The following HTR2C variants were observed in gnomAD, a reference collection of about 807,000 sequenced individuals.
The protein encoded by HTR2C is 5-hydroxytryptamine receptor 2C, also known as 5-hydroxytryptamine (serotonin) receptor 2C, G protein-coupled.
HTR2C carries 5 observed loss-of-function variants against 21.0 expected under a neutral mutation model. The observed-to-expected ratio is 0.24, with a 90% CI of 0.12 to 0.50. The LOEUF is 0.50. HTR2C is among the 20% of genes least tolerant of loss of function. The pLI, the probability that HTR2C is intolerant of heterozygous loss-of-function variation, is 0.98. For missense variants in HTR2C, 271 were observed against 371.2 expected (o/e 0.73, Z 2.22); for synonymous variants, 150 against 145.3 (o/e 1.03, Z -0.23).
chrX:114,657,905 A>G (rs1282386925), intron 2 of HTR2C, among the ~76,000 whole-genome samples: 1 of 110,856 alleles, frequency 9.0e-6, no homozygotes. Flanking sequence ...AATCTCGGTC[A>G]ATTAATTTAT....
At chrX:114,601,706 G>A (rs1225926616) in intron 1 of HTR2C, among the ~76,000 whole-genome samples, 1 of 108,084 alleles carries the variant, frequency 9.3e-6, no homozygotes, top group African/African-American at 3.4e-5. Flanking sequence ...GCTTGGCTTG[G>A]GCTCAGAGGC....
At chrX:114,700,099 T>C (rs1932416028) in intron 2 of HTR2C, among the ~76,000 whole-genome samples, 1 of 111,991 alleles carries the variant, frequency 8.9e-6, no homozygotes, top group Non-Finnish European at 1.9e-5. Context: ...TTTTCTTCTG[T>C]AATAACATAA....
intron 4 of HTR2C, among the ~76,000 whole-genome samples, chrX:114,781,143 CA>C (rs1489431783): frequency 9.1e-6 from 1 of 110,264 alleles, no homozygotes; most frequent in African/African-American, 3.3e-5. Flanking sequence ...AAGAAAGTGT[CA>C]AAAATGCAAA....
chrX:114,794,861 G>A (rs2070273991), intron 4 of HTR2C, among the ~76,000 whole-genome samples: 1 of 109,890 alleles, frequency 9.1e-6, no homozygotes, highest in South Asian at 4.0e-4. Flanking sequence ...CTTTATAGCA[G>A]CATGATTTAT....
At chrX:114,841,772 C>A (rs185655900) in intron 4 of HTR2C, among the ~76,000 whole-genome samples, 2 of 111,184 alleles carry the variant, frequency 1.8e-5, no homozygotes, top group East Asian at 5.7e-4. Context: ...TTGAAATGTT[C>A]TGCTAATTTC....
At chrX:114,672,566 C>A (rs1931419759) in intron 2 of HTR2C, among the ~76,000 whole-genome samples, 2 of 111,883 alleles carry the variant, frequency 1.8e-5, no homozygotes, top group Admixed American at 9.6e-5. Context: ...ATGGAATATT[C>A]TTTACCTATA....
intron 5 of HTR2C, among the ~76,000 whole-genome samples, chrX:114,876,422 C>CTTTTTTTTTTTTTTTTTTTTTT (rs60498146): frequency 5.5e-4 from 34 of 62,377 alleles, no homozygotes; most frequent in East Asian, 1.8e-3. Flanking sequence ...CTTTTTCTTT[C>CTTTTTTTTTTTTTTTTTTTTTT]TTTTTTTTTT....
At chrX:114,702,077 C>T (rs1373075983) in intron 2 of HTR2C, among the ~76,000 whole-genome samples, 1 of 110,386 alleles carries the variant, frequency 9.1e-6, no homozygotes, top group Non-Finnish European at 1.9e-5. Context: ...ACCAAATCTA[C>T]GTCTGATTGG....
At chrX:114,721,835 C>A (rs368884175) in intron 2 of HTR2C, among the ~76,000 whole-genome samples, 6 of 108,498 alleles carry the variant, frequency 5.5e-5, no homozygotes, top group African/African-American at 1.7e-4. Context: ...TGTAGGTATG[C>A]GGCGTTATTT....
intron 2 of HTR2C, among the ~76,000 whole-genome samples, chrX:114,705,439 G>C (rs1384475744): frequency 6.5e-5 from 7 of 108,322 alleles, no homozygotes; most frequent in African/African-American, 2.0e-4. Context: ...ACAAACCTGA[G>C]AAAAACAAGC....
chrX:114,870,540 A>G (rs1556476165), intron 5 of HTR2C, among the ~76,000 whole-genome samples: 1 of 111,492 alleles, frequency 9.0e-6, no homozygotes, highest in African/African-American at 3.3e-5. Flanking sequence ...CTGTGAAGCC[A>G]TCAAGTCCTG....
chrX:114,708,834 T>C (rs1355892711), intron 2 of HTR2C, among the ~76,000 whole-genome samples: 1 of 110,855 alleles, frequency 9.0e-6, no homozygotes, highest in Non-Finnish European at 1.9e-5. Context: ...TTATTCAGCT[T>C]CATATTTAAT....
rs782372177 is a variant in HTR2C, at chrX:114,764,717, G to C, written c.349+33110G>C. The stretch of plus-strand genomic sequence containing the variant: ...AGTATTCTACTGCCAACAATGGGAC[G>C]CACCTCCTACGTTTTCTTCCTTAAG... On this transcript the variant is annotated intron_variant, in intron 4 of 5. Coordinates refer to ENST00000276198, the MANE Select transcript of HTR2C (RefSeq NM_000868.4). Among the ~76,000 whole-genome samples, 239 of 111,409 alleles carry C rather than the reference G, an allele frequency of 2.1e-3. 9 individuals are homozygous for C. In the South Asian group the frequency reaches 0.089, roughly 42 times the overall value.
At chrX:114,640,087 A>C (rs951168101) in intron 2 of HTR2C, among the ~76,000 whole-genome samples, 1 of 111,513 alleles carries the variant, frequency 9.0e-6, no homozygotes, top group Non-Finnish European at 1.9e-5. Context: ...ATTTTCATAC[A>C]TTTTTTGTTC....
intron 2 of HTR2C, among the ~76,000 whole-genome samples, chrX:114,674,160 C>T (rs1463837970): frequency 2.7e-5 from 3 of 112,174 alleles, no homozygotes; most frequent in Non-Finnish European, 5.6e-5. Flanking sequence ...CACAGCCCAG[C>T]AGAGAGCTTC....
At chrX:114,808,304 CTT>C (rs1265468726) in intron 4 of HTR2C, among the ~76,000 whole-genome samples, 2 of 111,331 alleles carry the variant, frequency 1.8e-5, no homozygotes, top group Non-Finnish European at 3.8e-5. Flanking sequence ...GGCAGGATCT[CTT>C]TTTTTTATGG....
chrX:114,854,441 T>G (rs1237118649), intron 5 of HTR2C, among the ~76,000 whole-genome samples: 1 of 110,742 alleles, frequency 9.0e-6, no homozygotes. Flanking sequence ...ATTTAGGGGG[T>G]ACAAGTGCAG....
chrX:114,673,746 AT>A (rs373054749), intron 2 of HTR2C, among the ~76,000 whole-genome samples: 3 of 109,879 alleles, frequency 2.7e-5, no homozygotes, highest in East Asian at 5.7e-4. Context: ...TTTTAAAACT[AT>A]TTTTTTTCAT....
rs183249924 is a variant in HTR2C at position 114,887,883 on chromosome X, G to A, written c.551-18706G>A. On this transcript the variant is annotated intron_variant, in intron 5 of 5. Coordinates refer to ENST00000276198, the MANE Select transcript of HTR2C (RefSeq NM_000868.4). ...AAAAAAATTAGCTGGGTGTACTGGC[G>A]GGCGCCAGTAATCCCAGCTACTTGG... Among the ~76,000 whole-genome samples the A allele has an allele frequency of 4.9e-3, 540 of 110,376 alleles. 4 individuals are homozygous for A. The highest frequency in any genetic ancestry group is 0.017 in the African/African-American group (505 of 30,406).
Sources: gnomAD v4.1 joint callset for allele counts (sites outside exome capture counted in the v4.1 genomes callset) on GRCh38, gnomAD v4.1.1 for gene constraint, MANE v1.5 for transcripts, NCBI Gene and HGNC (gene_info 2026-07-23, HGNC 2026-07-21) for gene names.